PTPRN2: variants seen among roughly 807,000 people sequenced by gnomAD.
PTPRN2 encodes the protein protein tyrosine phosphatase receptor type N2, also known as receptor-type tyrosine-protein phosphatase N2.
A neutral mutation model predicts 118.8 loss-of-function variants in PTPRN2; 74 were observed. That is an observed-to-expected ratio of 0.62 (90% CI 0.52 to 0.76). The LOEUF (loss-of-function observed/expected upper bound fraction) is 0.76. PTPRN2 is among the 30% of genes least tolerant of loss of function. The probability of loss-of-function intolerance (pLI) is 0.00; values close to 1 mark genes in which losing one functional copy is unlikely to be tolerated. For missense variants in PTPRN2, 1,481 were observed against 1,394.4 expected, an observed-to-expected ratio of 1.06 and a Z score of -0.99; for synonymous variants, 641 against 608.0, an observed-to-expected ratio of 1.05 and a Z score of -0.80.
In PTPRN2 at chr7:157,729,018, A is replaced by G. The variant is rs2150934419; in HGVS notation, c.1789-46081T>C. On this transcript the variant is annotated intron_variant, in intron 12 of 22. Coordinates refer to ENST00000389418, the MANE Select transcript of PTPRN2 (RefSeq NM_002847.5). This position sits in a 1 kb window ranked among gnomAD's most constrained non-coding sequence, Gnocchi z 4.3. Reference sequence around the variant, plus strand: ...TTTGGCTCACGTGATCCAGTCACACAGAGGTCGGTCGTTGTCTGGACACAG... The same window carrying G: ...TTTGGCTCACGTGATCCAGTCACACGGAGGTCGGTCGTTGTCTGGACACAG... Among the ~76,000 whole-genome samples the G allele has an allele frequency of 6.6e-6, 1 of 152,326 alleles. No individual in the cohort carries two copies. The highest frequency in any genetic ancestry group is 1.9e-4 in the East Asian group (1 of 5,190).
chr7:158,343,413 G>A (rs772304566), intron 2 of PTPRN2, among the ~76,000 whole-genome samples: 7 of 152,164 alleles, frequency 4.6e-5, no homozygotes, highest in African/African-American at 7.2e-5. Context: ...CGAAAATAAC[G>A]CGTGTGGGTG....
intron 11 of PTPRN2, among the ~76,000 whole-genome samples, chr7:158,013,826 A>C (rs183583207): frequency 8.7e-6 from 1 of 115,270 alleles, no homozygotes; most frequent in Non-Finnish European, 1.8e-5. Context: ...TCACCCACCT[A>C]CCCATCCATC....
intron 11 of PTPRN2, among the ~76,000 whole-genome samples, chr7:157,966,526 C>T (rs1377453121): frequency 6.6e-6 from 1 of 152,020 alleles, no homozygotes; most frequent in African/African-American, 2.4e-5. Flanking sequence ...TCATCACCAC[C>T]ATCATCTTCA....
At chr7:158,058,014 T>C (rs996674391) in intron 11 of PTPRN2, among the ~76,000 whole-genome samples, 5 of 152,390 alleles carry the variant, frequency 3.3e-5, no homozygotes, top group Middle Eastern at 3.4e-3. Context: ...TTACAAATAA[T>C]TATCTAGAAA....
intron 12 of PTPRN2, among the ~76,000 whole-genome samples, chr7:157,804,361 A>G (rs1027020258): frequency 6.6e-6 from 1 of 152,178 alleles, no homozygotes; most frequent in African/African-American, 2.4e-5. Flanking sequence ...ACACTTCTTC[A>G]TTCGTTGTGT....
chr7:157,826,016 AG>A (rs372810982), intron 12 of PTPRN2, among the ~76,000 whole-genome samples: 1 of 152,210 alleles, frequency 6.6e-6, no homozygotes, highest in Non-Finnish European at 1.5e-5. Flanking sequence ...CGTGCATGTA[AG>A]GGGTCAGGCA....
At chr7:157,707,231 C>T (rs1222312958) in intron 12 of PTPRN2, among the ~76,000 whole-genome samples, 1 of 151,652 alleles carries the variant, frequency 6.6e-6, no homozygotes, top group Non-Finnish European at 1.5e-5. Context: ...AGACAAGTAC[C>T]TCGCACACAC....
At chr7:158,146,652 C>A (rs148409931) in intron 6 of PTPRN2, among the ~76,000 whole-genome samples, 1,742 of 146,144 alleles carry the variant, frequency 0.012, 47 homozygotes, top group Non-Finnish European at 0.021. Context: ...ACCCAGGAGG[C>A]GGAGCTAGTA....
intron 2 of PTPRN2, among the ~76,000 whole-genome samples, chr7:158,357,309 C>T (rs1808468810): frequency 6.6e-6 from 1 of 152,242 alleles, no homozygotes; most frequent in African/African-American, 2.4e-5. Flanking sequence ...AGCGGCACCA[C>T]CCAAAGGCGA....
At chr7:157,624,806 T>C (rs1224973698) in intron 14 of PTPRN2, among the ~76,000 whole-genome samples, 1 of 152,238 alleles carries the variant, frequency 6.6e-6, no homozygotes, top group African/African-American at 2.4e-5. Flanking sequence ...TTAAACAGTA[T>C]TTGTGGCTTT....
intron 11 of PTPRN2, among the ~76,000 whole-genome samples, chr7:158,009,285 C>A (rs1031378195): frequency 1.3e-5 from 2 of 152,108 alleles, no homozygotes; most frequent in Non-Finnish European, 2.9e-5. Flanking sequence ...AGTTCTGAGG[C>A]ACGATTATAC....
At chr7:157,660,490 T>G (rs1321235527) in intron 13 of PTPRN2, among the ~76,000 whole-genome samples, 1 of 152,234 alleles carries the variant, frequency 6.6e-6, no homozygotes. Context: ...ACTTTTCATG[T>G]GAACTTGGGA....
chr7:157,588,158 C>A (rs1360774733), intron 17 of PTPRN2, among the ~76,000 whole-genome samples: 1 of 152,266 alleles, frequency 6.6e-6, no homozygotes, highest in Non-Finnish European at 1.5e-5. Context: ...TTAGAAACAG[C>A]TGTTGTGTAT....
intron 12 of PTPRN2, among the ~76,000 whole-genome samples, chr7:157,777,282 G>T (rs925583562): frequency 6.6e-6 from 1 of 152,196 alleles, no homozygotes; most frequent in Non-Finnish European, 1.5e-5. Flanking sequence ...CGCCCATGTC[G>T]GTCGCTGAGT....
chr7:158,364,440 C>G (rs1242462124), intron 2 of PTPRN2, among the ~76,000 whole-genome samples: 1 of 152,238 alleles, frequency 6.6e-6, no homozygotes, highest in Admixed American at 6.5e-5. Flanking sequence ...AGCCCCCATC[C>G]TCACTTCGTA....
At chr7:158,086,790 G>A (rs1451262824) in intron 10 of PTPRN2, among the ~76,000 whole-genome samples, 2 of 152,296 alleles carry the variant, frequency 1.3e-5, no homozygotes, top group Non-Finnish European at 1.5e-5. Context: ...TGATTTGGGG[G>A]TTACAAATTA....
intron 11 of PTPRN2, among the ~76,000 whole-genome samples, chr7:158,031,376 G>T (rs189672130): frequency 3.9e-5 from 6 of 152,264 alleles, no homozygotes; most frequent in Admixed American, 2.6e-4. Context: ...GGAAAGACAG[G>T]TCTCACCAGA....
intron 3 of PTPRN2, among the ~76,000 whole-genome samples, chr7:158,291,726 G>A (rs1800130284): frequency 6.6e-6 from 1 of 152,204 alleles, no homozygotes; most frequent in South Asian, 2.1e-4. Flanking sequence ...CAATGTTCCT[G>A]CACTTTGTAA....
intron 3 of PTPRN2, among the ~76,000 whole-genome samples, chr7:158,287,978 C>T (rs905927189): frequency 1.3e-5 from 2 of 152,106 alleles, no homozygotes; most frequent in African/African-American, 4.8e-5. Context: ...ATTTGCTTTA[C>T]ATACTTAGGT....
Sources: gnomAD v4.1 joint callset for allele counts (sites outside exome capture counted in the v4.1 genomes callset) on GRCh38, gnomAD v4.1.1 for gene constraint, Gnocchi (gnomAD v3.1) non-coding constraint, MANE v1.5 for transcripts, NCBI Gene and HGNC (gene_info 2026-07-23, HGNC 2026-07-21) for gene names.